Variants in UNC13A observed in about 807,000 individuals in gnomAD.
The protein encoded by UNC13A is protein unc-13 homolog A.
Under a neutral mutation model 219.7 loss-of-function variants are expected in UNC13A, and 61 were observed. That is an observed-to-expected ratio of 0.28 (90% CI 0.23 to 0.34). UNC13A has a LOEUF of 0.34. UNC13A is among the 10% of genes least tolerant of loss of function. UNC13A has a pLI of 1.00. For synonymous variants in UNC13A, 920 were observed against 884.6 expected, an observed-to-expected ratio of 1.04 and a Z score of -0.71; for missense variants, 1,476 against 2,270.3, an observed-to-expected ratio of 0.65 and a Z score of 7.11.
Position 17,605,717 on chromosome 19 carries a change from G to C in UNC13A, c.*337C>G. The C allele has an allele frequency of 3.8e-6, 1 of 263,578 alleles. No homozygotes were observed. Among genetic ancestry groups the C allele is most frequent in the Admixed American group, 5.6e-5 (1 of 17,916 alleles). 16.3% of individuals were successfully genotyped at this position (263,578 alleles called of 1,614,324 possible). A position where few individuals can be genotyped will look rare whatever the true frequency, so the allele number is the denominator to read the frequency against. Reference sequence around the variant, plus strand: ...CAGGGGACATGAGGTGGTGCCTCCCGGTACCAGAGCCCCGGGATGTGGCCT... The same window carrying C: ...CAGGGGACATGAGGTGGTGCCTCCCCGTACCAGAGCCCCGGGATGTGGCCT... On this transcript the variant is annotated 3_prime_UTR_variant, in exon 44 of 44. Transcript: ENST00000519716.
chr19:17,668,179 C>T lies in UNC13A; in HGVS notation c.406G>A (p.Glu136Lys). ...TTCTTGGCCCAGTAGCGAGCCTCCT[C>T]TTCAGGAATGTCTGCAAGCAGAGCC... ...RFELPLDIPE[E>K]EARYWAKKLE... The change falls in exon 6 of 44, where the codon GAG (glutamate) becomes AAG (lysine). Residue 136 changes from glutamate (E) to lysine (K), a missense_variant. Coordinates refer to ENST00000519716, the MANE Select transcript of UNC13A (RefSeq NM_001080421.3). The T allele has an allele frequency of 6.2e-7, 1 of 1,613,586 alleles. No individual in the cohort carries two copies.
In UNC13A at chr19:17,666,724, A is replaced by G; in HGVS notation, c.469-20T>C. 6.7e-7 allele frequency: 1 copy of G among 1,503,602 alleles called. No individual in the cohort carries two copies. Among genetic ancestry groups the G allele is most frequent in the Non-Finnish European group, 8.9e-7 (1 of 1,123,596 alleles). The allele number at this position is 1,503,602 out of a possible 1,614,324, so 93.1% of individuals were successfully genotyped here. On this transcript the variant is annotated intron_variant, in intron 6 of 43. Transcript: ENST00000519716. ...CGAATACTGAAGGGGTGGAGGAAGG[A>G]GAAAGGGCTTCTCTCAGAGGGGCCA...
chr19:17,660,601 G>T (rs1185895572), intron 8 of UNC13A, among the ~76,000 whole-genome samples: 1 of 148,772 alleles, frequency 6.7e-6, no homozygotes, highest in African/African-American at 2.5e-5. Context: ...GTACGATCTC[G>T]GCTCACTGCA....
At chr19:17,655,849 CA>C (rs2079439566) in intron 10 of UNC13A, 33 bp downstream of exon 10, 1 of 1,485,444 alleles carries the variant, frequency 6.7e-7, no homozygotes, top group Non-Finnish European at 8.9e-7. Flanking sequence ...GACCTTGTGG[CA>C]GCCCCTCTGG....
intron 16 of UNC13A, among the ~76,000 whole-genome samples, 178 bp downstream of exon 16, chr19:17,648,253 G>C (rs1276181729): frequency 8.0e-6 from 1 of 125,388 alleles, no homozygotes; most frequent in Non-Finnish European, 1.6e-5. Context: ...AGGGAGTCCT[G>C]CGCCTTTAAC....
Position 17,631,203 on chromosome 19 carries a change from C to CCTTCCTTCCTTCCTTCCTT in UNC13A, c.3429-472_3429-454dup, listed in dbSNP as rs72002071. Among the ~76,000 whole-genome samples, 10 of 65,148 alleles carry CCTTCCTTCCTTCCTTCCTT rather than the reference C, an allele frequency of 1.5e-4. 1 individual carries two copies. The highest frequency in any genetic ancestry group is 2.9e-4 in the African/African-American group (5 of 17,042). The allele number at this position is 65,148 out of a possible 152,430, so 42.7% of individuals were successfully genotyped here. On this transcript the variant is annotated intron_variant, in intron 28 of 43. Transcript: ENST00000519716. ...CTTTCCTTCCTTCCCTCCCTCCCTC[C>CCTTCCTTCCTTCCTTCCTT]CTTCCTTCCTTCCTTCCTTCTTCCT... is the stretch of plus-strand genomic sequence containing the variant.
intron 16 of UNC13A, 83 bp downstream of exon 16, chr19:17,648,347 CT>C: frequency 7.4e-7 from 1 of 1,357,800 alleles, no homozygotes; most frequent in Non-Finnish European, 9.6e-7. Context: ...CACCCATCGC[CT>C]TGCCCTTCAG....
At chr19:17,657,634 C>T (rs568200500) in intron 9 of UNC13A, among the ~76,000 whole-genome samples, 10 of 152,132 alleles carry the variant, frequency 6.6e-5, no homozygotes, top group Admixed American at 5.2e-4. Context: ...TGGCCAGCCT[C>T]GAGGATGCTA....
At chr19:17,655,431 T>C (rs918844833) in intron 10 of UNC13A, 49 bp from the exon 11 acceptor site, 2 of 1,412,232 alleles carry the variant, frequency 1.4e-6, no homozygotes, top group Non-Finnish European at 1.9e-6. Context: ...CCGTGACCCC[T>C]GAACTTCCCT....
rs371835251 is a variant in UNC13A at position 17,674,643 on chromosome 19, C to T, written c.152+14G>A. Reference sequence around the variant, plus strand: ...TGCCAGGGAGTGAGGTCATGCCAGACGCTGCAGACTCACAACATGAAATCC... The same window carrying T: ...TGCCAGGGAGTGAGGTCATGCCAGATGCTGCAGACTCACAACATGAAATCC... On this transcript the variant is annotated intron_variant, in intron 3 of 43. Coordinates refer to ENST00000519716, the MANE Select transcript of UNC13A (RefSeq NM_001080421.3). This position sits in a 1 kb window ranked among gnomAD's most constrained non-coding sequence, Gnocchi z 5.0. The T allele has an allele frequency of 1.7e-3, 2,737 of 1,612,434 alleles. 2 individuals carry two copies. The highest frequency in any genetic ancestry group is 2.1e-3 in the Non-Finnish European group (2,511 of 1,178,904).
chr19:17,631,621 C>T (rs1022976968), intron 28 of UNC13A, among the ~76,000 whole-genome samples: 8 of 152,128 alleles, frequency 5.3e-5, no homozygotes, highest in Admixed American at 2.6e-4. Context: ...CCGGCGGCAC[C>T]GTACTATCCT....
At chr19:17,651,522 G>A (rs1370616753) in intron 12 of UNC13A, among the ~76,000 whole-genome samples, 1 of 152,194 alleles carries the variant, frequency 6.6e-6, no homozygotes, top group African/African-American at 2.4e-5. Context: ...CACCAAGCCT[G>A]GCCCCGAAAA....
At position 17,606,297 on chromosome 19, in the gene UNC13A, G is replaced by A. The variant is rs750475637; in HGVS notation, c.4869C>T (p.Asp1623=). The A allele has an allele frequency of 1.3e-6, 2 of 1,549,798 alleles. No homozygotes were observed. Among genetic ancestry groups the A allele is most frequent in the Admixed American group, 2.0e-5 (1 of 51,232 alleles). The part of the protein sequence containing the change: ...ECYELQVCVK[D]YCFAREDRTV... ...TGCGGTCCTCGCGCGCGAAGCAGTAGTCCTTGACGCACACCTGCAGCTCAT... is the reference window on the plus strand; with the variant it reads ...TGCGGTCCTCGCGCGCGAAGCAGTAATCCTTGACGCACACCTGCAGCTCAT... The change falls in exon 44 of 44, where the codon GAC becomes GAT. Residue 1623 remains aspartate, a synonymous_variant. Coordinates refer to ENST00000519716, the MANE Select transcript of UNC13A (RefSeq NM_001080421.3).
chr19:17,609,972 G>A lies in UNC13A; in HGVS notation c.4779C>T (p.Ser1593=). ...AGCTCTCATTGTACTTGGGAGCCCA[G>A]CTATTGTTCTTGGATTTGGTCGCAA... ...RKFATKSKNN[S]WAPKYNESFQ... The change falls in exon 43 of 44, where the codon AGC becomes AGT. Residue 1593 remains serine (S), a synonymous_variant. Transcript: ENST00000519716. 6.2e-7 allele frequency: 1 copy of A among 1,613,938 alleles called. No homozygotes were observed. The highest frequency in any genetic ancestry group is 8.5e-7 in the Non-Finnish European group (1 of 1,179,896).
intron 1 of UNC13A, among the ~76,000 whole-genome samples, chr19:17,686,022 G>A (rs1269098408): frequency 1.4e-5 from 2 of 145,418 alleles, no homozygotes; most frequent in Non-Finnish European, 3.0e-5. Flanking sequence ...ACCCCTCCCT[G>A]CCTCCTACTC....
intron 4 of UNC13A, 41 bp from the exon 5 acceptor site, chr19:17,669,717 T>C: frequency 6.4e-7 from 1 of 1,573,752 alleles, no homozygotes; most frequent in Non-Finnish European, 8.6e-7. Flanking sequence ...AGGAATCTGC[T>C]GGTCACTAGT....
Position 17,663,714 on chromosome 19 carries a change from C to T in UNC13A, c.524-147G>A, listed in dbSNP as rs1272717866. On this transcript the variant is annotated intron_variant, in intron 7 of 43. Coordinates refer to ENST00000519716, the MANE Select transcript of UNC13A (RefSeq NM_001080421.3). ...TCCTGAGTACCTTCCCTGAGTATCA[C>T]CTTCATTGCTGACACTTGCTGTGTC... The T allele has an allele frequency of 5.4e-6, 4 of 738,726 alleles. No homozygotes were observed. In the African/African-American group the frequency reaches 7.0e-5, roughly 13 times the overall value. 45.8% of individuals were successfully genotyped at this position (738,726 alleles called of 1,614,324 possible).
intron 31 of UNC13A, chr19:17,628,205 G>A (rs2144991047): frequency 1.9e-6 from 1 of 518,646 alleles, no homozygotes; most frequent in African/African-American, 1.9e-5. Context: ...CCATGAGAGG[G>A]GCTGGGAACT....
In UNC13A at chr19:17,674,775, G is replaced by A; in HGVS notation, c.53-19C>T. ...AATTTCTCTGTGGCAGTGAGAGTAG[G>A]GGTCAGCGCTGGGGCTCAGGGACTC... is the stretch of plus-strand genomic sequence containing the variant. On this transcript the variant is annotated intron_variant, in intron 2 of 43. Transcript: ENST00000519716. The surrounding 1 kb of genome is among the most constrained non-coding windows in gnomAD (Gnocchi z 5.0). The A allele has an allele frequency of 6.2e-7, 1 of 1,605,494 alleles. No individual in the cohort carries two copies. Among genetic ancestry groups the A allele is most frequent in the East Asian group, 2.2e-5 (1 of 44,844 alleles).
Sources: gnomAD v4.1 joint callset for allele counts (sites outside exome capture counted in the v4.1 genomes callset) on GRCh38, gnomAD v4.1.1 for gene constraint, Gnocchi (gnomAD v3.1) non-coding constraint, MANE v1.5 for transcripts, NCBI Gene and HGNC (gene_info 2026-07-23, HGNC 2026-07-21) for gene names.